Variants in COX7B2 observed in about 807,000 individuals in gnomAD.
COX7B2 encodes cytochrome c oxidase subunit 7B2, mitochondrial.
For missense variants in COX7B2, 109 were observed against 95.9 expected (o/e 1.14, Z -0.57); for synonymous variants, 37 against 32.1 (o/e 1.15, Z -0.51).
At chr4:46,897,550 T>C (rs1719836700) in intron 1 of COX7B2, among the ~76,000 whole-genome samples, 1 of 152,162 alleles carries the variant, frequency 6.6e-6, no homozygotes, top group Admixed American at 6.5e-5. Flanking sequence ...AAACACAAAA[T>C]TAGTAACTAG....
chr4:46,745,318 T>C (rs978390738), intron 2 of COX7B2, among the ~76,000 whole-genome samples: 1 of 152,176 alleles, frequency 6.6e-6, no homozygotes, highest in Non-Finnish European at 1.5e-5. Context: ...CTCTTGTTAT[T>C]GCTATCACCT....
At chr4:46,822,950 G>A (rs530841899) in intron 2 of COX7B2, among the ~76,000 whole-genome samples, 85 of 152,192 alleles carry the variant, frequency 5.6e-4, no homozygotes, top group African/African-American at 2.0e-3. Context: ...GAGAACTGAG[G>A]TCTCAATATA....
At chr4:46,877,865 A>G (rs140692228) in intron 1 of COX7B2, among the ~76,000 whole-genome samples, 1 of 152,258 alleles carries the variant, frequency 6.6e-6, no homozygotes, top group Non-Finnish European at 1.5e-5. Flanking sequence ...TAACCCTGCA[A>G]TATCTCTGCT....
At chr4:46,766,676 G>C (rs1052966542) in intron 2 of COX7B2, among the ~76,000 whole-genome samples, 1 of 150,180 alleles carries the variant, frequency 6.7e-6, no homozygotes, top group African/African-American at 2.5e-5. Flanking sequence ...ACTCCAGCAT[G>C]GGTGACAAAG....
At chr4:46,824,875 C>A (rs548494658) in intron 2 of COX7B2, among the ~76,000 whole-genome samples, 1 of 152,040 alleles carries the variant, frequency 6.6e-6, no homozygotes, top group East Asian at 1.9e-4. Context: ...ATAGAAGGAA[C>A]ATACCTAAAA....
intron 2 of COX7B2, among the ~76,000 whole-genome samples, chr4:46,776,657 A>G (rs538589472): frequency 1.3e-5 from 2 of 152,218 alleles, no homozygotes; most frequent in East Asian, 3.9e-4. Flanking sequence ...AGAGTAATTA[A>G]TAATCCCTCT....
intron 2 of COX7B2, among the ~76,000 whole-genome samples, chr4:46,735,667 G>A (rs1047773056): frequency 6.6e-6 from 1 of 151,788 alleles, no homozygotes; most frequent in African/African-American, 2.4e-5. Context: ...TTCTTTAACT[G>A]TAATACTTAC....
chr4:46,846,291 C>T (rs1428509413), intron 1 of COX7B2, among the ~76,000 whole-genome samples: 3 of 151,936 alleles, frequency 2.0e-5, no homozygotes, highest in African/African-American at 7.3e-5. Context: ...CGATCTGTGT[C>T]CTCATGAAAC....
chr4:46,827,656 T>C (rs1714787599), intron 2 of COX7B2, among the ~76,000 whole-genome samples: 1 of 152,120 alleles, frequency 6.6e-6, no homozygotes, highest in South Asian at 2.1e-4. Flanking sequence ...CTAAACGAAG[T>C]TGAAAGGACT....
intron 2 of COX7B2, among the ~76,000 whole-genome samples, chr4:46,833,361 G>A (rs1490526062): frequency 6.6e-6 from 1 of 152,142 alleles, no homozygotes; most frequent in Non-Finnish European, 1.5e-5. Flanking sequence ...ATGTAAACAA[G>A]AGGATGTAAC....
Position 46,735,061 on chromosome 4 carries a change from G to C in COX7B2, c.132C>G (p.Ala44=). ...FHDKYGNAVL[A]SGTAFCVATW... is the part of the protein sequence containing the mutation. ...TAGCAACACAGAAAGCAGTTCCACT[G>C]GCTAGCACAGCATTACCATATTTAT... Residue 44 remains alanine, a synonymous_variant, in exon 3 of 3, where the codon GCC becomes GCG. Coordinates refer to ENST00000355591, the MANE Select transcript of COX7B2 (RefSeq NM_130902.3). 6.2e-7 allele frequency: 1 copy of C among 1,614,028 alleles called. No homozygotes were observed. Among genetic ancestry groups the C allele is most frequent in the Non-Finnish European group, 8.5e-7 (1 of 1,179,956 alleles).
intron 2 of COX7B2, among the ~76,000 whole-genome samples, chr4:46,785,102 A>C (rs187612785): frequency 6.6e-6 from 1 of 152,342 alleles, no homozygotes; most frequent in Non-Finnish European, 1.5e-5. Flanking sequence ...AAATATATTT[A>C]AATAGCATTA....
chr4:46,867,895 G>A (rs908718681), intron 1 of COX7B2, among the ~76,000 whole-genome samples: 2 of 152,216 alleles, frequency 1.3e-5, no homozygotes, highest in African/African-American at 4.8e-5. Flanking sequence ...TTCACAGAAA[G>A]AGTTGGGGAG....
intron 2 of COX7B2, among the ~76,000 whole-genome samples, chr4:46,824,634 TGTGA>T (rs1342128132): frequency 6.7e-6 from 1 of 149,510 alleles, no homozygotes; most frequent in African/African-American, 2.5e-5. Context: ...CTGCTTATTA[TGTGA>T]GTATTACTGT....
intron 1 of COX7B2, among the ~76,000 whole-genome samples, chr4:46,892,430 T>A (rs945318208): frequency 5.9e-5 from 9 of 152,204 alleles, no homozygotes; most frequent in Non-Finnish European, 1.0e-4. Flanking sequence ...ATGAGGTGTG[T>A]ACTGGCTTGG....
chr4:46,796,427 A>C (rs1472329845), intron 2 of COX7B2, among the ~76,000 whole-genome samples: 1 of 142,624 alleles, frequency 7.0e-6, no homozygotes, highest in Non-Finnish European at 1.5e-5. Context: ...GCAATCATTA[A>C]AAAGTCAGGA....
chr4:46,860,326 T>C (rs1327017614), intron 1 of COX7B2, among the ~76,000 whole-genome samples: 1 of 152,198 alleles, frequency 6.6e-6, no homozygotes, highest in Non-Finnish European at 1.5e-5. Flanking sequence ...AGAGCCATCA[T>C]CTTTCTTGTC....
At position 46,777,384 on chromosome 4, in the gene COX7B2, G is replaced by A. The variant is rs573935655; in HGVS notation, c.-49-42143C>T. On this transcript the variant is annotated intron_variant, in intron 2 of 2. Transcript: ENST00000355591. The stretch of plus-strand genomic sequence containing the variant: ...AGGGGAAAGTGGAGTGCCAGAGAGA[G>A]AGAGAGAGACAGGGAGATGAAGGCG... 4.6e-5 allele frequency among the ~76,000 whole-genome samples: 7 copies of A among 152,254 alleles called. No homozygotes were observed. In the South Asian group the frequency reaches 1.2e-3, roughly 27 times the overall value.
intron 2 of COX7B2, among the ~76,000 whole-genome samples, chr4:46,758,175 A>G (rs1015858498): frequency 6.6e-6 from 1 of 151,908 alleles, no homozygotes; most frequent in Non-Finnish European, 1.5e-5. Flanking sequence ...ACATTGTTCT[A>G]TAAACACTGA....
Sources: allele counts gnomAD v4.1 joint callset (sites outside exome capture counted in the v4.1 genomes callset), GRCh38; gene constraint gnomAD v4.1.1; transcripts MANE v1.5; gene names NCBI Gene and HGNC (gene_info 2026-07-23, HGNC 2026-07-21).